CPNE8: variants seen among roughly 807,000 people sequenced by gnomAD.
CPNE8 encodes the protein copine 8.
In CPNE8, 45 loss-of-function variants were observed where a neutral mutation model predicts 81.5. That is an observed-to-expected ratio of 0.55 (90% confidence interval 0.44 to 0.71). The LOEUF (loss-of-function observed/expected upper bound fraction) is 0.71. Ranked by LOEUF, CPNE8 falls within the 30% of genes least tolerant of loss-of-function variation. The pLI, the probability that CPNE8 is intolerant of heterozygous loss-of-function variation, is 0.00. For missense variants in CPNE8, 594 were observed against 672.1 expected (o/e 0.88, Z 1.28); for synonymous variants, 252 against 226.3 (o/e 1.11, Z -1.02).
At chr12:38,663,496 C>T (rs191086431) in intron 19 of CPNE8, among the ~76,000 whole-genome samples, 2 of 151,938 alleles carry the variant, frequency 1.3e-5, no homozygotes, top group Admixed American at 6.6e-5. Flanking sequence ...ACCAAAAAGA[C>T]AAAAATGTCA....
In CPNE8 at chr12:38,768,696, A is replaced by ATT. The variant is rs11403546; in HGVS notation, c.472-960_472-959dup. 6.9e-4 allele frequency among the ~76,000 whole-genome samples: 99 copies of ATT among 143,094 alleles called. No individual in the cohort carries two copies. In the South Asian group the frequency reaches 7.4e-3, roughly 11 times the overall value. The allele number at this position is 143,094 out of a possible 152,430, so 93.9% of individuals were successfully genotyped here. Reference sequence around the variant, plus strand: ...TGCCACGCCCGGCTAATTTTTTTGTATTTTTTTTTTTTAGCAGAGACGGGG... The same window carrying ATT: ...TGCCACGCCCGGCTAATTTTTTTGTATTTTTTTTTTTTTTAGCAGAGACGGGG... On this transcript the variant is annotated intron_variant, in intron 7 of 19. Coordinates refer to ENST00000331366, the MANE Select transcript of CPNE8 (RefSeq NM_153634.3).
chr12:38,877,828 T>G (rs1197565325), intron 1 of CPNE8, among the ~76,000 whole-genome samples: 1 of 152,102 alleles, frequency 6.6e-6, no homozygotes, highest in African/African-American at 2.4e-5. Flanking sequence ...CCATCTTGAA[T>G]AGGGGCTAGG....
chr12:38,749,271 C>T (rs747242941), intron 10 of CPNE8, among the ~76,000 whole-genome samples: 12 of 151,332 alleles, frequency 7.9e-5, no homozygotes, highest in African/African-American at 1.7e-4. Flanking sequence ...AGTCTTCCCC[C>T]GCCACGTGGA....
chr12:38,904,621 A>C (rs2138543), intron 1 of CPNE8, among the ~76,000 whole-genome samples: 1 of 151,746 alleles, frequency 6.6e-6, no homozygotes, highest in African/African-American at 2.4e-5. Flanking sequence ...GGCGCGTGCC[A>C]CCACGTCCGG....
chr12:38,890,900 C>CATATAT, intron 1 of CPNE8, among the ~76,000 whole-genome samples: 1 of 147,390 alleles, frequency 6.8e-6, no homozygotes, highest in East Asian at 2.0e-4. Flanking sequence ...TATATATATA[C>CATATAT]ATATATATAT....
At chr12:38,830,750 A>G (rs1943273311) in intron 5 of CPNE8, among the ~76,000 whole-genome samples, 1 of 152,188 alleles carries the variant, frequency 6.6e-6, no homozygotes. Flanking sequence ...TGAAAGAAAA[A>G]AGCCAACCTA....
chr12:38,829,359 C>G lies in CPNE8; in HGVS notation c.407+20G>C, dbSNP rs369169933. 43 of 1,544,910 alleles carry G rather than the reference C, an allele frequency of 2.8e-5. No individual in the cohort carries two copies. In the East Asian group the frequency reaches 9.0e-4, roughly 32 times the overall value. On this transcript the variant is annotated intron_variant, in intron 6 of 19. Coordinates refer to ENST00000331366, the MANE Select transcript of CPNE8 (RefSeq NM_153634.3). ...ACTGTTAAAGTTGGCATTTCATTGT[C>G]TGAATTAAAAAATACTTACACTATT...
At chr12:38,843,557 G>T (rs1388981718) in intron 4 of CPNE8, among the ~76,000 whole-genome samples, 1 of 152,024 alleles carries the variant, frequency 6.6e-6, no homozygotes, top group Non-Finnish European at 1.5e-5. Flanking sequence ...TGCAGCATCT[G>T]GTTCATCAGT....
intron 10 of CPNE8, among the ~76,000 whole-genome samples, chr12:38,744,769 A>T (rs5005131): frequency 1.3e-5 from 2 of 152,098 alleles, no homozygotes; most frequent in Non-Finnish European, 2.9e-5. Context: ...GATTTTGCAA[A>T]GATCAAATGG....
chr12:38,849,947 G>A (rs965623119), intron 3 of CPNE8, among the ~76,000 whole-genome samples: 23 of 152,106 alleles, frequency 1.5e-4, no homozygotes, highest in African/African-American at 4.8e-4. Flanking sequence ...TTCAACCTAA[G>A]TCACTTTGGC....
At chr12:38,708,711 T>A (rs1196002285) in intron 13 of CPNE8, among the ~76,000 whole-genome samples, 1 of 152,132 alleles carries the variant, frequency 6.6e-6, no homozygotes, top group African/African-American at 2.4e-5. Context: ...AAATCAGATG[T>A]CAAGATGAGA....
intron 10 of CPNE8, among the ~76,000 whole-genome samples, chr12:38,732,605 G>C (rs866888856): frequency 1.3e-5 from 2 of 151,896 alleles, no homozygotes; most frequent in South Asian, 2.1e-4. Flanking sequence ...AAGGGAGAAA[G>C]CTTTCTCCTC....
chr12:38,764,775 C>T (rs539398829), intron 8 of CPNE8, among the ~76,000 whole-genome samples: 1 of 152,144 alleles, frequency 6.6e-6, no homozygotes, highest in East Asian at 1.9e-4. Context: ...AATTTCTTCT[C>T]TTGTATCATA....
At chr12:38,704,475 G>T (rs993816706) in intron 13 of CPNE8, among the ~76,000 whole-genome samples, 1 of 152,012 alleles carries the variant, frequency 6.6e-6, no homozygotes, top group African/African-American at 2.4e-5. Context: ...TTGCAGTGGG[G>T]TTACATCCTG....
At chr12:38,870,034 G>A (rs1943968003) in intron 3 of CPNE8, among the ~76,000 whole-genome samples, 2 of 152,202 alleles carry the variant, frequency 1.3e-5, no homozygotes, top group Admixed American at 6.5e-5. Context: ...TAAACGAAGA[G>A]CATAAAGGTT....
chr12:38,898,451 A>G (rs944394974), intron 1 of CPNE8, among the ~76,000 whole-genome samples: 1 of 152,192 alleles, frequency 6.6e-6, no homozygotes, highest in Non-Finnish European at 1.5e-5. Flanking sequence ...GGTGACTACA[A>G]TCTTGAACCA....
At chr12:38,852,470 C>T (rs1205288960) in intron 3 of CPNE8, among the ~76,000 whole-genome samples, 9 of 148,196 alleles carry the variant, frequency 6.1e-5, no homozygotes, top group East Asian at 2.0e-4. Flanking sequence ...GGCGTGGTGG[C>T]GCATGCCTGT....
chr12:38,690,299 T>C (rs1189945355), intron 15 of CPNE8, among the ~76,000 whole-genome samples: 2 of 152,198 alleles, frequency 1.3e-5, no homozygotes, highest in Non-Finnish European at 2.9e-5. Context: ...TGACTTAGGA[T>C]GAGCTTAACA....
rs116761128 is a variant in CPNE8, at chr12:38,734,247, G to A, written c.723-3889C>T. Among the ~76,000 whole-genome samples the A allele has an allele frequency of 1.9e-3, 291 of 152,128 alleles. 2 individuals carry two copies. The highest frequency in any genetic ancestry group is 6.8e-3 in the African/African-American group (282 of 41,556). On this transcript the variant is annotated intron_variant, in intron 10 of 19. Coordinates refer to ENST00000331366, the MANE Select transcript of CPNE8 (RefSeq NM_153634.3). ...CAAACACACTTAGGGCAATAGCACA[G>A]TCATACTGTGATCTTACCTTGCCAG...
Sources: gnomAD v4.1 joint callset for allele counts (sites outside exome capture counted in the v4.1 genomes callset) on GRCh38, gnomAD v4.1.1 for gene constraint, MANE v1.5 for transcripts, NCBI Gene and HGNC (gene_info 2026-07-23, HGNC 2026-07-21) for gene names.